ROBO1: variants seen among roughly 807,000 people sequenced by gnomAD.
The protein encoded by ROBO1 is roundabout guidance receptor 1, also known as roundabout homolog 1.
In ROBO1, 149 loss-of-function variants were observed where a neutral mutation model predicts 195.9. The observed-to-expected ratio is 0.76, with a 90% CI of 0.67 to 0.87. The LOEUF (loss-of-function observed/expected upper bound fraction) is 0.87. Among genes scored for constraint, ROBO1 ranks in the 40% least tolerant of loss-of-function variants. The pLI, the probability that ROBO1 is intolerant of heterozygous loss-of-function variation, is 0.00. For synonymous variants in ROBO1, 816 were observed against 733.2 expected (o/e 1.11, Z -1.82); for missense variants, 1,933 against 2,068.3 (o/e 0.93, Z 1.27).
chr3:79,345,630 T>C (rs1311012514), intron 2 of ROBO1, among the ~76,000 whole-genome samples: 3 of 152,162 alleles, frequency 2.0e-5, no homozygotes, highest in African/African-American at 7.2e-5. Context: ...CACACCGTTT[T>C]TGCTTTCACT....
chr3:79,449,916 A>G (rs1247044614), intron 2 of ROBO1, among the ~76,000 whole-genome samples: 1 of 152,146 alleles, frequency 6.6e-6, no homozygotes, highest in African/African-American at 2.4e-5. Context: ...CTTATTGTAC[A>G]TATGAGGAAC....
chr3:79,120,715 T>C (rs1019732701), intron 3 of ROBO1, among the ~76,000 whole-genome samples: 8 of 151,892 alleles, frequency 5.3e-5, no homozygotes, highest in Non-Finnish European at 1.0e-4. Flanking sequence ...TAATTGAGCA[T>C]CTAGAATGTT....
chr3:79,226,822 C>G (rs547860736), intron 2 of ROBO1, among the ~76,000 whole-genome samples: 2 of 152,210 alleles, frequency 1.3e-5, no homozygotes, highest in South Asian at 4.1e-4. Context: ...GCTGGGATTA[C>G]AGGCATGAGC....
chr3:78,600,730 C>T (rs544238383), intron 29 of ROBO1, among the ~76,000 whole-genome samples: 8 of 152,206 alleles, frequency 5.3e-5, no homozygotes, highest in Middle Eastern at 3.4e-3. Flanking sequence ...GTCAGGCCTC[C>T]GTTCACATGG....
At chr3:79,523,191 A>G (rs1458407886) in intron 2 of ROBO1, among the ~76,000 whole-genome samples, 1 of 150,466 alleles carries the variant, frequency 6.6e-6, no homozygotes, top group Non-Finnish European at 1.5e-5. Flanking sequence ...ACACACACAC[A>G]CACAAATTAG....
At chr3:79,550,190 A>AGAAAGAAAGAAAGGAAAGGAAAG in intron 2 of ROBO1, among the ~76,000 whole-genome samples, 1 of 101,656 alleles carries the variant, frequency 9.8e-6, no homozygotes, top group Non-Finnish European at 2.0e-5. Context: ...AAAGAAAGAA[A>AGAAAGAAAGAAAGGAAAGGAAAG]GAAAGGAAAA....
rs2038561290 is a variant in ROBO1, at chr3:78,916,170, A to G, written c.499+22431T>C. On this transcript the variant is annotated intron_variant, in intron 4 of 30. Coordinates refer to ENST00000464233, the MANE Select transcript of ROBO1 (RefSeq NM_002941.4). ...GAGGCTGAGGCAGGAGAATGGCGTG[A>G]ACCCGGGAGGCGGAGCTTGCAGTGA... Among the ~76,000 whole-genome samples the G allele has an allele frequency of 1.3e-5, 2 of 150,164 alleles. 1 individual carries two copies. Among genetic ancestry groups the G allele is most frequent in the South Asian group, 4.3e-4 (2 of 4,688 alleles).
At chr3:78,685,607 T>C (rs2081033686) in intron 10 of ROBO1, 139 bp downstream of exon 10, 4 of 514,530 alleles carry the variant, frequency 7.8e-6, no homozygotes, top group Non-Finnish European at 1.3e-5. Flanking sequence ...TTTGAACTTA[T>C]TCTATCAACA....
At chr3:79,756,447 G>A (rs1319995458) in intron 1 of ROBO1, among the ~76,000 whole-genome samples, 1 of 151,854 alleles carries the variant, frequency 6.6e-6, no homozygotes, top group Non-Finnish European at 1.5e-5. Flanking sequence ...TACTCAGGGG[G>A]CGGAGGCAGG....
intron 2 of ROBO1, among the ~76,000 whole-genome samples, chr3:79,295,865 A>G (rs948520024): frequency 6.6e-6 from 1 of 152,202 alleles, no homozygotes; most frequent in Non-Finnish European, 1.5e-5. Flanking sequence ...CCAAAACAAT[A>G]ATTAAAAAAG....
At chr3:79,341,098 A>G (rs1329200572) in intron 2 of ROBO1, among the ~76,000 whole-genome samples, 1 of 152,214 alleles carries the variant, frequency 6.6e-6, no homozygotes, top group Non-Finnish European at 1.5e-5. Context: ...CCAAGTATTG[A>G]CGAGGTCATA....
chr3:79,092,028 T>C (rs2079487917), intron 3 of ROBO1, among the ~76,000 whole-genome samples: 1 of 152,078 alleles, frequency 6.6e-6, no homozygotes, highest in Non-Finnish European at 1.5e-5. Context: ...GAATAGACTG[T>C]AGGGGGCAAA....
intron 3 of ROBO1, among the ~76,000 whole-genome samples, chr3:78,959,135 C>G (rs1236318196): frequency 6.6e-6 from 1 of 152,002 alleles, no homozygotes; most frequent in Non-Finnish European, 1.5e-5. Context: ...GTGGAACAGA[C>G]TGAAAGAGCA....
intron 4 of ROBO1, among the ~76,000 whole-genome samples, chr3:78,889,711 GAAA>G (rs745338257): frequency 2.1e-5 from 1 of 48,106 alleles, no homozygotes. Flanking sequence ...ATAACTCCAA[GAAA>G]AAAAAAAAAA....
intron 1 of ROBO1, among the ~76,000 whole-genome samples, chr3:79,741,261 CG>C (rs1703636981): frequency 6.6e-6 from 1 of 152,148 alleles, no homozygotes; most frequent in African/African-American, 2.4e-5. Flanking sequence ...CTGGTGTTAA[CG>C]ATTATATCCA....
intron 1 of ROBO1, among the ~76,000 whole-genome samples, chr3:79,745,123 C>T (rs1415069160): frequency 6.6e-6 from 1 of 152,066 alleles, no homozygotes; most frequent in Non-Finnish European, 1.5e-5. Context: ...GCCTTAAGTA[C>T]AGCTTACATC....
chr3:79,496,159 G>A, intron 2 of ROBO1, among the ~76,000 whole-genome samples: 1 of 129,508 alleles, frequency 7.7e-6, no homozygotes, highest in Non-Finnish European at 1.5e-5. Flanking sequence ...GTTGCAGTGA[G>A]CCAAGATCAC....
intron 4 of ROBO1, among the ~76,000 whole-genome samples, chr3:78,781,107 T>C (rs189962291): frequency 6.6e-6 from 1 of 152,256 alleles, no homozygotes; most frequent in Admixed American, 6.5e-5. Flanking sequence ...ATCACTACTC[T>C]AAAACAACAA....
In ROBO1 at chr3:78,919,199, C is replaced by T. The variant is rs77101103; in HGVS notation, c.499+19402G>A. The stretch of plus-strand genomic sequence containing the variant: ...GAGCTTCAAACAGGCTCAAGTGTAT[C>T]CTCACAAAGTGACTCACTGGATCCT... On this transcript the variant is annotated intron_variant, in intron 4 of 30. Coordinates refer to ENST00000464233, the MANE Select transcript of ROBO1 (RefSeq NM_002941.4). 1.4e-3 allele frequency among the ~76,000 whole-genome samples: 217 copies of T among 152,262 alleles called. 3 individuals carry two copies. In the East Asian group the frequency reaches 0.033, roughly 23 times the overall value.
Sources: allele counts gnomAD v4.1 joint callset (sites outside exome capture counted in the v4.1 genomes callset), GRCh38; gene constraint gnomAD v4.1.1; transcripts MANE v1.5; gene names NCBI Gene and HGNC (gene_info 2026-07-23, HGNC 2026-07-21).